CFAP43: variants seen among roughly 807,000 people sequenced by gnomAD.
CFAP43 encodes the protein cilia- and flagella-associated protein 43.
A neutral mutation model predicts 218.9 loss-of-function variants in CFAP43; 155 were observed. The ratio of observed to expected loss-of-function variants is 0.71; its 90% CI spans 0.62 to 0.81. The LOEUF (loss-of-function observed/expected upper bound fraction) is 0.81. Ranked by LOEUF, CFAP43 falls within the 30% of genes least tolerant of loss-of-function variation. CFAP43 has a pLI of 0.00. For synonymous variants in CFAP43, 645 were observed against 681.3 expected, an observed-to-expected ratio of 0.95 and a Z score of 0.83; for missense variants, 1,778 against 1,954.3, an observed-to-expected ratio of 0.91 and a Z score of 1.70.
Position 104,232,223 on chromosome 10 carries a change from G to C in CFAP43, c.24C>G (p.Asp8Glu), listed in dbSNP as rs769789325. 1.9e-6 allele frequency: 3 copies of C among 1,608,948 alleles called. No individual in the cohort carries two copies. The highest frequency in any genetic ancestry group is 2.5e-6 in the Non-Finnish European group (3 of 1,178,518). The change falls in exon 1 of 38, where the codon GAC (aspartate) becomes GAG (glutamate). Residue 8 changes from aspartate (D) to glutamate (E), a missense_variant. Asp to Glu is a conservative substitution (Grantham distance 45, BLOSUM62 2). Coordinates refer to ENST00000357060, the MANE Select transcript of CFAP43 (RefSeq NM_025145.7). The stretch of plus-strand genomic sequence containing the variant: ...CGCCGCCGGCGGAGTGGGGGCCTTC[G>C]TCGCGCTCCCGGCCTTGCGCCATGG... MAQGRER[D>E]EGPHSAGGAS...
At chr10:104,137,050 T>A (rs959255670) in intron 34 of CFAP43, among the ~76,000 whole-genome samples, 1 of 152,192 alleles carries the variant, frequency 6.6e-6, no homozygotes, top group African/African-American at 2.4e-5. Flanking sequence ...GCAGCTACTA[T>A]GGAAAACAGT....
chr10:104,196,272 G>C (rs1468289488), intron 10 of CFAP43, among the ~76,000 whole-genome samples: 2 of 152,212 alleles, frequency 1.3e-5, no homozygotes, highest in Admixed American at 6.5e-5. Context: ...AGTTGATTGT[G>C]CCAATAACAC....
intron 24 of CFAP43, among the ~76,000 whole-genome samples, chr10:104,162,849 G>A (rs970903323): frequency 3.9e-5 from 6 of 152,042 alleles, no homozygotes; most frequent in African/African-American, 1.4e-4. Flanking sequence ...AGGCTCGTGG[G>A]CTTTATCCCA....
intron 2 of CFAP43, among the ~76,000 whole-genome samples, chr10:104,226,436 G>GTT (rs2135011709): frequency 6.6e-6 from 1 of 152,178 alleles, no homozygotes; most frequent in East Asian, 1.9e-4. Flanking sequence ...ACAAAAACTA[G>GTT]TTTTTCTGTA....
intron 3 of CFAP43, among the ~76,000 whole-genome samples, chr10:104,217,099 A>G (rs929774417): frequency 5.3e-5 from 8 of 152,182 alleles, no homozygotes; most frequent in African/African-American, 1.9e-4. Flanking sequence ...CCAGTCCTGG[A>G]TATCTGTGGC....
intron 16 of CFAP43, among the ~76,000 whole-genome samples, chr10:104,184,547 A>G (rs1362336803): frequency 6.6e-6 from 1 of 151,786 alleles, no homozygotes; most frequent in Non-Finnish European, 1.5e-5. Flanking sequence ...AAGATAGTAA[A>G]CAATTTGCTC....
In CFAP43 at chr10:104,138,504, C is replaced by T. The variant is rs200332932; in HGVS notation, c.4431+2338G>A. ...CAGCCTGACCAACATGGAGAAACCC[C>T]GCCTCTACTGAAAATACAAAATTAG... On this transcript the variant is annotated intron_variant, in intron 34 of 37. Coordinates refer to ENST00000357060, the MANE Select transcript of CFAP43 (RefSeq NM_025145.7). 2.8e-4 allele frequency among the ~76,000 whole-genome samples: 43 copies of T among 152,046 alleles called. No homozygotes were observed. In the East Asian group the frequency reaches 7.7e-3, roughly 27 times the overall value.
At chr10:104,216,357 A>G (rs1449351108) in intron 3 of CFAP43, among the ~76,000 whole-genome samples, 1 of 152,166 alleles carries the variant, frequency 6.6e-6, no homozygotes, top group Admixed American at 6.5e-5. Flanking sequence ...CTTATGGGAC[A>G]CCACAGATCC....
chr10:104,130,087 G>A lies in CFAP43; in HGVS notation c.*52C>T. The A allele has an allele frequency of 6.6e-7, 1 of 1,521,032 alleles. No individual in the cohort carries two copies. The highest frequency in any genetic ancestry group is 8.8e-7 in the Non-Finnish European group (1 of 1,136,614). The allele number at this position is 1,521,032 out of a possible 1,614,324, so 94.2% of individuals were successfully genotyped here. On this transcript the variant is annotated 3_prime_UTR_variant, in exon 38 of 38. Transcript: ENST00000357060. The stretch of plus-strand genomic sequence containing the variant: ...GAAAAGGAAATCATTTTACCCAAAT[G>A]AAATGATTTTTTAAATGATTGATTT...
chr10:104,133,495 T>C (rs2087292378), intron 35 of CFAP43, 125 bp downstream of exon 35: 1 of 1,060,038 alleles, frequency 9.4e-7, no homozygotes, highest in Non-Finnish European at 1.3e-6. Context: ...CACAGATATA[T>C]TTTGAAACAC....
chr10:104,172,634 G>T, intron 19 of CFAP43, 99 bp from the exon 20 acceptor site: 1 of 1,051,006 alleles, frequency 9.5e-7, no homozygotes, highest in South Asian at 1.9e-5. Flanking sequence ...ATAAAAAATA[G>T]ATGTTCTATT....
At chr10:104,215,128 C>T (rs1226593585) in intron 3 of CFAP43, among the ~76,000 whole-genome samples, 1 of 147,804 alleles carries the variant, frequency 6.8e-6, no homozygotes, top group East Asian at 1.9e-4. Context: ...GAGCAAGACT[C>T]CATCTCAAAA....
Position 104,222,293 on chromosome 10 carries a change from G to A in CFAP43, c.416+3168C>T, listed in dbSNP as rs74154756. ...TCATCTTCTAGCTCCCTCGTGTTTA[G>A]GCCCACTGCTGGCAAAGCTACTTGG... On this transcript the variant is annotated intron_variant, in intron 3 of 37. Coordinates refer to ENST00000357060, the MANE Select transcript of CFAP43 (RefSeq NM_025145.7). Among the ~76,000 whole-genome samples, 546 of 152,234 alleles carry A rather than the reference G, an allele frequency of 3.6e-3. 4 individuals carry two copies. Among genetic ancestry groups the A allele is most frequent in the African/African-American group, 0.012 (512 of 41,542 alleles).
Position 104,186,537 on chromosome 10 carries a change from C to G in CFAP43, c.1861-414G>C, listed in dbSNP as rs144934124. On this transcript the variant is annotated intron_variant, in intron 14 of 37. Transcript: ENST00000357060. Reference sequence around the variant, plus strand: ...TTCCTTTTGTCTGGAATGCCCTACTCTACTCCATCCCCACCAGTCCTGCCC... The same window carrying G: ...TTCCTTTTGTCTGGAATGCCCTACTGTACTCCATCCCCACCAGTCCTGCCC... Among the ~76,000 whole-genome samples, 24 of 152,312 alleles carry G rather than the reference C, an allele frequency of 1.6e-4. No homozygotes were observed. In the East Asian group the frequency reaches 3.5e-3, roughly 22 times the overall value.
At chr10:104,130,921 C>T (rs1021682700) in intron 37 of CFAP43, among the ~76,000 whole-genome samples, 5 of 150,694 alleles carry the variant, frequency 3.3e-5, no homozygotes, top group African/African-American at 1.2e-4. Flanking sequence ...ATCAATTGAG[C>T]CCAGGAGGTG....
At chr10:104,198,991 C>T (rs1349258403) in intron 8 of CFAP43, among the ~76,000 whole-genome samples, 1 of 152,114 alleles carries the variant, frequency 6.6e-6, no homozygotes, top group Non-Finnish European at 1.5e-5. Context: ...CATAACAAAA[C>T]ATTTTTTCCT....
At chr10:104,222,759 G>T (rs2091215939) in intron 3 of CFAP43, among the ~76,000 whole-genome samples, 2 of 152,158 alleles carry the variant, frequency 1.3e-5, no homozygotes, top group South Asian at 4.1e-4. Flanking sequence ...TCTACAGAAG[G>T]CTCAGATATA....
In CFAP43 at chr10:104,188,279, G is replaced by C; in HGVS notation, c.1678C>G (p.Leu560Val). Residue 560 changes from leucine (L) to valine (V), a missense_variant, in exon 13 of 38, where the codon CTG becomes GTG. By Grantham distance (32) the Leu-to-Val change is conservative. Coordinates refer to ENST00000357060, the MANE Select transcript of CFAP43 (RefSeq NM_025145.7). ...CTTATGTTTTCCTTACCTTGTGGCA[G>C]TAATGTAGGCAGTGTGAACATCTCC... ...RLEMFTLPTL[L>V]PQVSTTFADE... 1.9e-6 allele frequency: 3 copies of C among 1,613,590 alleles called. No homozygotes were observed. Among genetic ancestry groups the C allele is most frequent in the Non-Finnish European group, 2.5e-6 (3 of 1,179,778 alleles).
At chr10:104,130,461 G>C (rs1202015319) in intron 37 of CFAP43, among the ~76,000 whole-genome samples, 156 bp from the exon 38 acceptor site, 3 of 152,134 alleles carry the variant, frequency 2.0e-5, no homozygotes, top group Non-Finnish European at 1.5e-5. Context: ...CAAAGACATG[G>C]AGTCACCCTA....
Sources: allele counts gnomAD v4.1 joint callset (sites outside exome capture counted in the v4.1 genomes callset), GRCh38; gene constraint gnomAD v4.1.1; transcripts MANE v1.5; gene names NCBI Gene and HGNC (gene_info 2026-07-23, HGNC 2026-07-21).